Variants in WDR41 observed in about 807,000 individuals in gnomAD.
WDR41 encodes the protein WD repeat domain 41.
Under a neutral mutation model 69.3 loss-of-function variants are expected in WDR41, and 63 were observed. The observed-to-expected ratio is 0.91, with a 90% CI of 0.74 to 1.12. WDR41 has a LOEUF of 1.12. Among genes scored for constraint, WDR41 ranks in the 50% most tolerant of loss-of-function variants. The pLI, the probability that WDR41 is intolerant of heterozygous loss-of-function variation, is 0.00. For missense variants in WDR41, 543 were observed against 534.5 expected (o/e 1.02, Z -0.16); for synonymous variants, 185 against 192.1 (o/e 0.96, Z 0.31).
At chr5:77,612,273 T>A (rs1399211786) in intron 1 of WDR41, among the ~76,000 whole-genome samples, 1 of 152,188 alleles carries the variant, frequency 6.6e-6, no homozygotes, top group African/African-American at 2.4e-5. Flanking sequence ...AAAGAGGGAA[T>A]CCTTCCTAAC....
chr5:77,444,297 C>T (rs182267624), intron 8 of WDR41, among the ~76,000 whole-genome samples: 1 of 152,284 alleles, frequency 6.6e-6, no homozygotes, highest in Admixed American at 6.5e-5. Context: ...GATTTTCATC[C>T]TGTGTCAAAA....
At position 77,438,297 on chromosome 5, in the gene WDR41, G is replaced by A. The variant is rs1799024956; in HGVS notation, c.947C>T (p.Ala316Val). 1.2e-6 allele frequency: 2 copies of A among 1,614,056 alleles called. No individual in the cohort carries two copies. The highest frequency in any genetic ancestry group is 2.7e-5 in the African/African-American group (2 of 75,030). The change falls in exon 10 of 13, where the codon GCC (alanine) becomes GTC (valine). Residue 316 changes from alanine (A) to valine (V), a missense_variant. By Grantham distance (64) the Ala-to-Val change is moderately conservative. Coordinates refer to ENST00000296679, the MANE Select transcript of WDR41 (RefSeq NM_018268.4). ...GGAGTCATGTGCAGTTTTCTGGCAG[G>A]CAATCACACGCTTCATTTGAAGGCT... ...VYSLQMKRVIACQKTAHDSNV... is the reference protein window; with the variant it reads ...VYSLQMKRVIVCQKTAHDSNV...
chr5:77,464,274 C>CTTTTTTTTTT (rs71606297), intron 3 of WDR41, among the ~76,000 whole-genome samples: 12 of 94,222 alleles, frequency 1.3e-4, no homozygotes, highest in East Asian at 3.4e-4. Context: ...TAGGAAAAAA[C>CTTTTTTTTTT]TTTTTTTTTT....
intron 2 of WDR41, among the ~76,000 whole-genome samples, chr5:77,467,731 C>T (rs6876668): frequency 0.019 from 2,892 of 152,024 alleles, 98 homozygotes; most frequent in African/African-American, 0.065. Context: ...CATAAGCAAA[C>T]ATTTAAGTGT....
chr5:77,465,182 ATAAATTCAT>A (rs1269103708), intron 2 of WDR41, among the ~76,000 whole-genome samples: 1 of 152,164 alleles, frequency 6.6e-6, no homozygotes, highest in Non-Finnish European at 1.5e-5. Flanking sequence ...ACGATGTTAA[ATAAATTCAT>A]TACTTCTATT....
At chr5:77,586,429 C>T (rs1288536214) in intron 1 of WDR41, among the ~76,000 whole-genome samples, 1 of 152,092 alleles carries the variant, frequency 6.6e-6, no homozygotes, top group Non-Finnish European at 1.5e-5. Flanking sequence ...ACTTGAGCCT[C>T]TCCAGTAATT....
At chr5:77,434,895 G>GT (rs1798880401) in intron 12 of WDR41, among the ~76,000 whole-genome samples, 1 of 149,150 alleles carries the variant, frequency 6.7e-6, no homozygotes, top group Non-Finnish European at 1.5e-5. Flanking sequence ...TTTACATGGG[G>GT]TTTTCCCTAC....
chr5:77,574,073 G>T (rs140120741), intron 1 of WDR41, among the ~76,000 whole-genome samples: 1 of 152,022 alleles, frequency 6.6e-6, no homozygotes, highest in South Asian at 2.1e-4. Flanking sequence ...AGAGGCAGGC[G>T]AATCACCTGA....
intron 1 of WDR41, among the ~76,000 whole-genome samples, chr5:77,536,622 TATA>T (rs1742988223): frequency 6.6e-6 from 1 of 152,194 alleles, no homozygotes; most frequent in Non-Finnish European, 1.5e-5. Context: ...CCTGTAAGAT[TATA>T]ATACCATATT....
At chr5:77,611,931 T>C (rs1744562172) in intron 1 of WDR41, among the ~76,000 whole-genome samples, 1 of 151,694 alleles carries the variant, frequency 6.6e-6, no homozygotes, top group Admixed American at 6.6e-5. Flanking sequence ...AAGAATCAAA[T>C]AGACACAATA....
chr5:77,610,471 A>G (rs1460194290), intron 1 of WDR41, among the ~76,000 whole-genome samples: 2 of 152,216 alleles, frequency 1.3e-5, no homozygotes, highest in African/African-American at 4.8e-5. Flanking sequence ...CAGAAACTCT[A>G]CAAGCCAGAA....
chr5:77,567,053 C>G (rs1743645698), intron 1 of WDR41, among the ~76,000 whole-genome samples: 1 of 152,084 alleles, frequency 6.6e-6, no homozygotes, highest in South Asian at 2.1e-4. Context: ...TATTAAAATG[C>G]TAAAAACAAA....
intron 1 of WDR41, among the ~76,000 whole-genome samples, chr5:77,562,591 A>T (rs935536349): frequency 6.6e-6 from 1 of 152,162 alleles, no homozygotes; most frequent in Non-Finnish European, 1.5e-5. Flanking sequence ...ATATGTCCAA[A>T]CTTTTTCCTT....
rs546894346 is a variant in WDR41 at position 77,581,232 on chromosome 5, C to T, written c.42+39247G>A. 2.2e-3 allele frequency among the ~76,000 whole-genome samples: 331 copies of T among 151,940 alleles called. 2 individuals carry two copies. Among genetic ancestry groups the T allele is most frequent in the African/African-American group, 7.7e-3 (318 of 41,464 alleles). On this transcript the variant is annotated intron_variant, in intron 1 of 5. Transcript: ENST00000509971. ...TACTACTAATAACAGACAAAAGAGA[C>T]CTTAAAACAAAAAATATTATCAGAA...
At chr5:77,617,501 T>G (rs1744699723) in intron 1 of WDR41, among the ~76,000 whole-genome samples, 1 of 152,190 alleles carries the variant, frequency 6.6e-6, no homozygotes, top group South Asian at 2.1e-4. Context: ...ATGTTTATAT[T>G]CAACAATTTT....
At chr5:77,565,923 T>C (rs1580012703) in intron 1 of WDR41, among the ~76,000 whole-genome samples, 2 of 152,318 alleles carry the variant, frequency 1.3e-5, no homozygotes, top group South Asian at 4.1e-4. Flanking sequence ...CAACACATTA[T>C]TGTAATTAAT....
intron 1 of WDR41, among the ~76,000 whole-genome samples, chr5:77,609,557 G>T (rs1238968176): frequency 6.6e-6 from 1 of 152,196 alleles, no homozygotes; most frequent in African/African-American, 2.4e-5. Flanking sequence ...GGTCTGGAGT[G>T]GACCTCTAGC....
At chr5:77,588,378 C>T (rs1451307034) in intron 1 of WDR41, among the ~76,000 whole-genome samples, 2 of 152,108 alleles carry the variant, frequency 1.3e-5, no homozygotes, top group Non-Finnish European at 2.9e-5. Context: ...AGGACATTCT[C>T]CTGTGTGATT....
At chr5:77,566,116 C>T (rs1457543297) in intron 1 of WDR41, among the ~76,000 whole-genome samples, 3 of 152,084 alleles carry the variant, frequency 2.0e-5, no homozygotes, top group Non-Finnish European at 4.4e-5. Flanking sequence ...AGTTCTTCCT[C>T]TTGTGAGCTT....
Sources: gnomAD v4.1 joint callset for allele counts (sites outside exome capture counted in the v4.1 genomes callset) on GRCh38, gnomAD v4.1.1 for gene constraint, MANE v1.5 for transcripts, NCBI Gene and HGNC (gene_info 2026-07-23, HGNC 2026-07-21) for gene names.